The following ZNF622 variants were observed in gnomAD, a reference collection of about 807,000 sequenced individuals.
ZNF622 encodes the protein zinc finger protein 622, also known as cytoplasmic 60S subunit biogenesis factor ZNF622.
Under a neutral mutation model 49.7 loss-of-function variants are expected in ZNF622, and 34 were observed. That is an observed-to-expected ratio of 0.68 (90% confidence interval 0.52 to 0.91). ZNF622 has a LOEUF of 0.91. Ranked by LOEUF, ZNF622 falls within the 40% of genes least tolerant of loss-of-function variation. The probability of loss-of-function intolerance (pLI) is 0.00; values close to 1 mark genes in which losing one functional copy is unlikely to be tolerated. For missense variants in ZNF622, 569 were observed against 616.4 expected (o/e 0.92, Z 0.81); for synonymous variants, 209 against 228.7 (o/e 0.91, Z 0.78).
chr5:16,452,377 T>C (rs536663385), intron 5 of ZNF622, among the ~76,000 whole-genome samples: 16 of 152,320 alleles, frequency 1.1e-4, no homozygotes, highest in African/African-American at 3.6e-4. Flanking sequence ...AGTACCATAC[T>C]GATGAGGTTT....
intron 4 of ZNF622, among the ~76,000 whole-genome samples, chr5:16,456,280 A>C (rs1251114862): frequency 1.3e-5 from 2 of 152,118 alleles, no homozygotes; most frequent in Non-Finnish European, 2.9e-5. Context: ...CCTTCTTAAC[A>C]AACGGCCTTA....
chr5:16,454,380 C>T (rs26019), intron 4 of ZNF622, among the ~76,000 whole-genome samples: 113,165 of 150,712 alleles, frequency 0.75, 42,392 homozygotes, highest in Non-Finnish European at 0.76. Context: ...CCCAGCTACT[C>T]GGGAGGCTGA....
In ZNF622 at chr5:16,463,786, A is replaced by T. The variant is rs774121539; in HGVS notation, c.626-44T>A. 6.3e-7 allele frequency: 1 copy of T among 1,591,084 alleles called. No individual in the cohort carries two copies. The highest frequency in any genetic ancestry group is 1.1e-5 in the South Asian group (1 of 88,046). On this transcript the variant is annotated intron_variant, in intron 1 of 5. Transcript: ENST00000308683. The surrounding 1 kb of genome is among the most constrained non-coding windows in gnomAD (Gnocchi z 4.2). ...AAATATAAAGTTTAAGAAAAGTAGT[A>T]GCAAGCAAAGATATCACAAAAATTC...
At chr5:16,457,281 A>G (rs910093862) in intron 4 of ZNF622, among the ~76,000 whole-genome samples, 7 of 152,300 alleles carry the variant, frequency 4.6e-5, no homozygotes, top group African/African-American at 1.7e-4. Flanking sequence ...CTTAAGGTCT[A>G]TGGTTATCTG....
intron 5 of ZNF622, 30 bp downstream of exon 5, chr5:16,452,983 A>ACTGGT (rs767568076): frequency 1.3e-5 from 18 of 1,384,372 alleles, no homozygotes; most frequent in Middle Eastern, 2.0e-4. Flanking sequence ...AAGTTCTCAG[A>ACTGGT]CTGGTCTGTA....
chr5:16,453,185 A>G (rs764384923), intron 4 of ZNF622, 29 bp from the exon 5 acceptor site: 1 of 1,440,100 alleles, frequency 6.9e-7, no homozygotes, highest in Non-Finnish European at 9.2e-7. Flanking sequence ...ATACTGAAAC[A>G]CTGAGTTGGA....
At chr5:16,462,712 TGCCTGGTTTGG>T (rs1738139846) in intron 3 of ZNF622, among the ~76,000 whole-genome samples, 1 of 152,186 alleles carries the variant, frequency 6.6e-6, no homozygotes. Context: ...CACCATCAGA[TGCCTGGTTTGG>T]GCCTGGTTTA....
At chr5:16,464,885 G>C (rs1738187161) in intron 1 of ZNF622, among the ~76,000 whole-genome samples, 156 bp downstream of exon 1, 1 of 152,194 alleles carries the variant, frequency 6.6e-6, no homozygotes, top group South Asian at 2.1e-4. Context: ...CTGCTGGCCA[G>C]ATAAGGCACT....
intron 1 of ZNF622, among the ~76,000 whole-genome samples, chr5:16,464,076 C>T (rs983504918): frequency 8.5e-5 from 13 of 152,154 alleles, no homozygotes; most frequent in African/African-American, 2.4e-4. Context: ...TAAAACAATG[C>T]CTCTATCTAC....
intron 1 of ZNF622, 126 bp downstream of exon 1, chr5:16,464,915 C>G (rs2126496128): frequency 0.016 from 15,559 of 965,540 alleles, no homozygotes; most frequent in Non-Finnish European, 0.022. Flanking sequence ...GTCTAAACCA[C>G]CTTCCCTCAT....
rs577443672 is a variant in ZNF622 at position 16,463,901 on chromosome 5, T to C, written c.626-159A>G. On this transcript the variant is annotated intron_variant, in intron 1 of 5. Coordinates refer to ENST00000308683, the MANE Select transcript of ZNF622 (RefSeq NM_033414.3). The surrounding 1 kb of genome is among the most constrained non-coding windows in gnomAD (Gnocchi z 4.2). ...TTTCAAGATCTCAATTTTAGCTATTTGTTTACCACAGACTCATCTGAATGG... is the reference window on the plus strand; with the variant it reads ...TTTCAAGATCTCAATTTTAGCTATTCGTTTACCACAGACTCATCTGAATGG... 1.4e-4 allele frequency among the ~76,000 whole-genome samples: 21 copies of C among 152,344 alleles called. No homozygotes were observed. Among genetic ancestry groups the C allele is most frequent in the Non-Finnish European group, 2.5e-4 (17 of 68,030 alleles).
Position 16,464,948 on chromosome 5 carries a change from A to AACAC in ZNF622, c.625+89_625+92dup, listed in dbSNP as rs910376060. 23 of 1,455,418 alleles carry AACAC rather than the reference A, an allele frequency of 1.6e-5. No homozygotes were observed. The South Asian group carries it at 2.9e-4, about 19-fold the overall frequency. 90.2% of individuals were successfully genotyped at this position (1,455,418 alleles called of 1,614,324 possible). A position where few individuals can be genotyped will look rare whatever the true frequency, so the allele number is the denominator to read the frequency against. On this transcript the variant is annotated intron_variant, in intron 1 of 5. Coordinates refer to ENST00000308683, the MANE Select transcript of ZNF622 (RefSeq NM_033414.3). ...CATCATTTTTACTTAAAAGCTCTCA[A>AACAC]ACACACACACACACCCATCTCGAGT...
At position 16,463,981 on chromosome 5, in the gene ZNF622, C is replaced by A. The variant is rs1336185851; in HGVS notation, c.626-239G>T. 6.6e-6 allele frequency among the ~76,000 whole-genome samples: 1 copy of A among 152,140 alleles called. No homozygotes were observed. Among genetic ancestry groups the A allele is most frequent in the African/African-American group, 2.4e-5 (1 of 41,428 alleles). On this transcript the variant is annotated intron_variant, in intron 1 of 5. Coordinates refer to ENST00000308683, the MANE Select transcript of ZNF622 (RefSeq NM_033414.3). This position sits in a 1 kb window ranked among gnomAD's most constrained non-coding sequence, Gnocchi z 4.2. Reference sequence around the variant, plus strand: ...GGAAACAGGAATCTTTTCTTTGTTTCTTTCCTATGCCTTACAGCACCTAGC... The same window carrying A: ...GGAAACAGGAATCTTTTCTTTGTTTATTTCCTATGCCTTACAGCACCTAGC...
Position 16,453,076 on chromosome 5 carries a change from T to G in ZNF622, c.1243A>C (p.Asn415His). 1 of 1,588,348 alleles carries G rather than the reference T, an allele frequency of 6.3e-7. No individual in the cohort carries two copies. The highest frequency in any genetic ancestry group is 8.6e-7 in the Non-Finnish European group (1 of 1,164,496). The stretch of plus-strand genomic sequence containing the variant: ...AGTACTCGGCCCACGGCCTTCCGAT[T>G]TTTGGCAACTGCCACAGCTCTTGAC... ...GLSRAVAVAK[N>H]RKAVGRVLQQ... Residue 415 changes from asparagine (N) to histidine (H), a missense_variant, in exon 5 of 6, where the codon AAT becomes CAT. Transcript: ENST00000308683.
At chr5:16,456,284 G>A (rs569873938) in intron 4 of ZNF622, among the ~76,000 whole-genome samples, 5 of 152,062 alleles carry the variant, frequency 3.3e-5, no homozygotes, top group South Asian at 4.2e-4. Context: ...CTTAACAAAC[G>A]GCCTTACAAT....
chr5:16,451,582 T>C lies in ZNF622; in HGVS notation c.*75A>G. ...AGTAGCAGCAAAAGGGTCTCTCCTA[T>C]GATCTGTCTTTCACTGGTCCTCAGG... On this transcript the variant is annotated 3_prime_UTR_variant, in exon 6 of 6. Transcript: ENST00000308683. The C allele has an allele frequency of 6.4e-7, 1 of 1,560,100 alleles. No individual in the cohort carries two copies. Among genetic ancestry groups the C allele is most frequent in the Non-Finnish European group, 8.7e-7 (1 of 1,155,530 alleles).
At position 16,453,072 on chromosome 5, in the gene ZNF622, C is replaced by T. The variant is rs181000596; in HGVS notation, c.1247G>A (p.Arg416Gln). ...LSRAVAVAKN[R>Q]KAVGRVLQQY... ...CTGAAGTACTCGGCCCACGGCCTTC[C>T]GATTTTTGGCAACTGCCACAGCTCT... Residue 416 changes from arginine to glutamine, a missense_variant, in exon 5 of 6, where the codon CGG becomes CAG. Arg to Gln is a conservative substitution (Grantham distance 43, BLOSUM62 1). Coordinates refer to ENST00000308683, the MANE Select transcript of ZNF622 (RefSeq NM_033414.3). 43 of 1,587,062 alleles carry T rather than the reference C, an allele frequency of 2.7e-5. No homozygotes were observed. In the East Asian group the frequency reaches 2.7e-4, roughly 10 times the overall value.
At chr5:16,456,093 T>C (rs1396523940) in intron 4 of ZNF622, among the ~76,000 whole-genome samples, 2 of 152,082 alleles carry the variant, frequency 1.3e-5, no homozygotes, top group Non-Finnish European at 2.9e-5. Flanking sequence ...CATCCACTCC[T>C]TTTTTTCTTT....
chr5:16,461,510 T>C (rs78715288), intron 3 of ZNF622, among the ~76,000 whole-genome samples: 4 of 152,174 alleles, frequency 2.6e-5, no homozygotes, highest in Non-Finnish European at 5.9e-5. Context: ...GTAGTAGCCA[T>C]AGAAGTAGTG....
Sources: allele counts gnomAD v4.1 joint callset (sites outside exome capture counted in the v4.1 genomes callset), GRCh38; gene constraint gnomAD v4.1.1; non-coding constraint Gnocchi (gnomAD v3.1); transcripts MANE v1.5; gene names NCBI Gene and HGNC (gene_info 2026-07-23, HGNC 2026-07-21).